XRCC4: variants seen among roughly 807,000 people sequenced by gnomAD.
The protein encoded by XRCC4 is DNA repair protein XRCC4.
Under a neutral mutation model 39.1 loss-of-function variants are expected in XRCC4, and 28 were observed. The ratio of observed to expected loss-of-function variants is 0.72; its 90% confidence interval spans 0.53 to 0.98. The LOEUF is 0.98. XRCC4 is among the 50% of genes least tolerant of loss of function. The pLI is 0.00. For missense variants in XRCC4, 350 were observed against 376.4 expected, an observed-to-expected ratio of 0.93 and a Z score of 0.58; for synonymous variants, 123 against 126.4, an observed-to-expected ratio of 0.97 and a Z score of 0.18.
intron 1 of XRCC4, among the ~76,000 whole-genome samples, chr5:83,087,298 C>G (rs1745225142): frequency 6.6e-6 from 1 of 152,050 alleles, no homozygotes; most frequent in African/African-American, 2.4e-5. Context: ...GCCTGGGCAA[C>G]AGAGTGAGAC....
intron 1 of XRCC4, among the ~76,000 whole-genome samples, chr5:83,100,260 C>A (rs960916431): frequency 6.6e-6 from 1 of 152,008 alleles, no homozygotes; most frequent in African/African-American, 2.4e-5. Flanking sequence ...AAAATAAAAT[C>A]ATATAATTTT....
At chr5:83,291,665 GT>G (rs954661933) in intron 7 of XRCC4, among the ~76,000 whole-genome samples, 8 of 151,664 alleles carry the variant, frequency 5.3e-5, no homozygotes, top group Non-Finnish European at 1.0e-4. Flanking sequence ...AGCTGGGCCT[GT>G]TTTTTTCAAA....
At chr5:83,327,223 G>A (rs1756292737) in intron 7 of XRCC4, among the ~76,000 whole-genome samples, 1 of 151,948 alleles carries the variant, frequency 6.6e-6, no homozygotes, top group South Asian at 2.1e-4. Context: ...ACCCAGCCCT[G>A]GCAACTGCTG....
rs368572233 is a variant in XRCC4, at chr5:83,082,606, C to T, written c.-11+4991C>T. Among the ~76,000 whole-genome samples, 9 of 152,306 alleles carry T rather than the reference C, an allele frequency of 5.9e-5. No homozygotes were observed. In the South Asian group the frequency reaches 1.2e-3, roughly 21 times the overall value. ...TTCATAGTAGAAGCTAACAGCCTTA[C>T]GTTGGCCTACAATAGTCTACATCAG... On this transcript the variant is annotated intron_variant, in intron 1 of 7. Coordinates refer to ENST00000396027, the MANE Select transcript of XRCC4 (RefSeq NM_003401.5).
chr5:83,285,878 C>T (rs1012231099), intron 7 of XRCC4, among the ~76,000 whole-genome samples: 1 of 152,112 alleles, frequency 6.6e-6, no homozygotes, highest in Admixed American at 6.6e-5. Flanking sequence ...ACTTCACCCT[C>T]CTGGAATGTA....
intron 7 of XRCC4, among the ~76,000 whole-genome samples, chr5:83,314,410 A>G (rs570383838): frequency 9.5e-4 from 144 of 152,320 alleles, no homozygotes; most frequent in African/African-American, 3.2e-3. Flanking sequence ...CATAATGGAA[A>G]GAAATAGTAA....
chr5:83,348,582 A>G (rs536422707), intron 7 of XRCC4, among the ~76,000 whole-genome samples: 1 of 152,288 alleles, frequency 6.6e-6, no homozygotes, highest in South Asian at 2.1e-4. Context: ...GCTGGCCCAC[A>G]AAACCATTCT....
chr5:83,100,849 G>A (rs1358371132), intron 1 of XRCC4, among the ~76,000 whole-genome samples: 2 of 152,078 alleles, frequency 1.3e-5, no homozygotes, highest in Non-Finnish European at 2.9e-5. Context: ...GGATTACAGA[G>A]CATGTGAGTA....
At chr5:83,309,284 A>T (rs1293136610) in intron 7 of XRCC4, among the ~76,000 whole-genome samples, 99 of 119,202 alleles carry the variant, frequency 8.3e-4, no homozygotes, top group African/African-American at 3.0e-3. Flanking sequence ...AAAAAAAAAA[A>T]AAAAAAAAAA....
chr5:83,244,829 T>C (rs1682756324), intron 6 of XRCC4, among the ~76,000 whole-genome samples: 1 of 152,180 alleles, frequency 6.6e-6, no homozygotes, highest in African/African-American at 2.4e-5. Flanking sequence ...CAAACTGTTG[T>C]CCAATGTGGA....
intron 6 of XRCC4, among the ~76,000 whole-genome samples, chr5:83,217,358 C>CAAAAAA (rs59416363): frequency 9.4e-5 from 9 of 96,144 alleles, no homozygotes; most frequent in African/African-American, 3.8e-4. Flanking sequence ...GACTCCGTCT[C>CAAAAAA]AAAAAAAAAA....
chr5:83,196,907 C>T (rs1418072581), intron 4 of XRCC4, among the ~76,000 whole-genome samples: 2 of 151,528 alleles, frequency 1.3e-5, no homozygotes, highest in Non-Finnish European at 2.9e-5. Flanking sequence ...AAAATGGTGA[C>T]GATTTTACCA....
chr5:83,169,131 A>T (rs1188195045), intron 3 of XRCC4, among the ~76,000 whole-genome samples: 1 of 152,174 alleles, frequency 6.6e-6, no homozygotes, highest in Non-Finnish European at 1.5e-5. Flanking sequence ...ATTGTTTGTA[A>T]TATTTTCCCC....
chr5:83,279,475 T>C (rs933886340), intron 7 of XRCC4, among the ~76,000 whole-genome samples: 1 of 152,226 alleles, frequency 6.6e-6, no homozygotes, highest in African/African-American at 2.4e-5. Flanking sequence ...TGTTTTTAAG[T>C]CAAAGTTTTT....
At chr5:83,298,289 T>A (rs1021597769) in intron 7 of XRCC4, among the ~76,000 whole-genome samples, 1 of 151,774 alleles carries the variant, frequency 6.6e-6, no homozygotes, top group Admixed American at 6.6e-5. Flanking sequence ...TTTTTTTCAG[T>A]TGATCAAATT....
At chr5:83,331,591 C>T (rs887542108) in intron 7 of XRCC4, among the ~76,000 whole-genome samples, 4 of 152,000 alleles carry the variant, frequency 2.6e-5, no homozygotes, top group African/African-American at 7.2e-5. Context: ...AACATTTAAA[C>T]TATAAGCAAA....
At chr5:83,307,898 C>G (rs186773210) in intron 7 of XRCC4, among the ~76,000 whole-genome samples, 13 of 152,254 alleles carry the variant, frequency 8.5e-5, no homozygotes, top group Admixed American at 7.8e-4. Flanking sequence ...ATGAAATAAT[C>G]AAATAGCTTA....
intron 7 of XRCC4, among the ~76,000 whole-genome samples, chr5:83,306,642 G>A (rs966065187): frequency 6.6e-6 from 1 of 152,196 alleles, no homozygotes; most frequent in African/African-American, 2.4e-5. Flanking sequence ...GCATGGTTTA[G>A]GCTTTTCAAA....
intron 7 of XRCC4, among the ~76,000 whole-genome samples, chr5:83,270,846 C>T (rs1754122700): frequency 6.6e-6 from 1 of 150,404 alleles, no homozygotes; most frequent in African/African-American, 2.5e-5. Flanking sequence ...AATGCAGTGG[C>T]AAGAGCTCAG....
Sources: allele counts gnomAD v4.1 joint callset (sites outside exome capture counted in the v4.1 genomes callset), GRCh38; gene constraint gnomAD v4.1.1; transcripts MANE v1.5; gene names NCBI Gene and HGNC (gene_info 2026-07-23, HGNC 2026-07-21).